Variants in AKTIP observed in about 807,000 individuals in gnomAD.
AKTIP encodes the protein AKT-interacting protein.
In AKTIP, 16 loss-of-function variants were observed where a neutral mutation model predicts 39.1. The observed-to-expected ratio is 0.41, with a 90% confidence interval of 0.28 to 0.62. The LOEUF (loss-of-function observed/expected upper bound fraction) is 0.62, where lower values mean the gene tolerates loss of function less well. AKTIP is among the 20% of genes least tolerant of loss of function. AKTIP has a pLI of 0.32. For synonymous variants in AKTIP, 93 were observed against 124.3 expected (o/e 0.75, Z 1.67); for missense variants, 262 against 356.6 (o/e 0.73, Z 2.14).
chr16:53,494,044 C>T, intron 8 of AKTIP, 94 bp downstream of exon 8: 5 of 951,086 alleles, frequency 5.3e-6, no homozygotes, highest in Non-Finnish European at 8.4e-6. Context: ...TATGCATGTG[C>T]CTTTTTATAT....
At chr16:53,498,287 T>C in intron 3 of AKTIP, 104 bp downstream of exon 3, 1 of 1,199,622 alleles carries the variant, frequency 8.3e-7, no homozygotes, top group Non-Finnish European at 1.2e-6. Context: ...GGTTTGAGCT[T>C]TGAGATTAAA....
At chr16:53,502,777 C>A (rs1350477887) in intron 1 of AKTIP, 1 of 152,286 alleles carries the variant, frequency 6.6e-6, no homozygotes, top group Non-Finnish European at 1.5e-5. Context: ...AGCCGCGGGC[C>A]CCTCCAGTGG....
At chr16:53,495,008 G>A (rs759055084) in intron 5 of AKTIP, 65 bp downstream of exon 5, 11 of 1,398,416 alleles carry the variant, frequency 7.9e-6, no homozygotes, top group Admixed American at 3.4e-5. Context: ...AACCAGGAAA[G>A]CTGTAAGCCC....
At chr16:53,498,701 C>G (rs1384235931) in intron 2 of AKTIP, 105 bp from the exon 3 acceptor site, 13 of 1,099,040 alleles carry the variant, frequency 1.2e-5, no homozygotes, top group Non-Finnish European at 1.8e-5. Context: ...CCTTTACAAG[C>G]ACATTCTAAC....
Position 53,498,614 on chromosome 16 carries a change from G to T in AKTIP, c.43-18C>A. ...TCAGATCGCTATACAAGATGAAGTT[G>T]TAAGAATATCTGTTAGGATGATTCT... On this transcript the variant is annotated intron_variant, in intron 2 of 9. Transcript: ENST00000394657. 1 of 1,609,488 alleles carries T rather than the reference G, an allele frequency of 6.2e-7. No homozygotes were observed. The highest frequency in any genetic ancestry group is 8.5e-7 in the Non-Finnish European group (1 of 1,175,720).
chr16:53,492,588 T>C lies in AKTIP; in HGVS notation c.772-69A>G, dbSNP rs991652685. On this transcript the variant is annotated intron_variant, in intron 9 of 9. Coordinates refer to ENST00000394657, the MANE Select transcript of AKTIP (RefSeq NM_022476.4). The stretch of plus-strand genomic sequence containing the variant: ...AGGAGATTTCAGCACTGTACAAACT[T>C]GTTTCCCAAAAAAAGTTACTTGTAT... 3 of 1,601,796 alleles carry C rather than the reference T, an allele frequency of 1.9e-6. No individual in the cohort carries two copies. In the African/African-American group the frequency reaches 4.0e-5, roughly 22 times the overall value.
intron 8 of AKTIP, 105 bp from the exon 9 acceptor site, chr16:53,492,858 G>A (rs546328468): frequency 2.2e-6 from 2 of 927,182 alleles, no homozygotes; most frequent in Admixed American, 2.4e-5. Flanking sequence ...ATAAAGCACA[G>A]TATTTTTTAT....
intron 5 of AKTIP, chr16:53,494,856 A>G: frequency 1.4e-6 from 1 of 725,324 alleles, no homozygotes; most frequent in Non-Finnish European, 2.5e-6. Context: ...GTGCTGCAGG[A>G]TGGCAGGCAG....
At chr16:53,492,579 G>A in intron 9 of AKTIP, 60 bp from the exon 10 acceptor site, 4 of 1,601,098 alleles carry the variant, frequency 2.5e-6, no homozygotes, top group Non-Finnish European at 3.4e-6. Flanking sequence ...TTTCAGCACT[G>A]TACAAACTTG....
chr16:53,502,400 T>C (rs1962220961), intron 1 of AKTIP, among the ~76,000 whole-genome samples: 2 of 152,172 alleles, frequency 1.3e-5, no homozygotes, highest in Admixed American at 6.5e-5. Flanking sequence ...TTCCTTTACA[T>C]CACCCAGCTG....
chr16:53,492,273 C>A lies in AKTIP; in HGVS notation c.*139G>T, dbSNP rs1352160668. The A allele has an allele frequency of 5.7e-6, 4 of 707,310 alleles. No individual in the cohort carries two copies. The African/African-American group carries it at 7.1e-5, about 13-fold the overall frequency. The allele number at this position is 707,310 out of a possible 1,614,324, so 43.8% of individuals were successfully genotyped here. On this transcript the variant is annotated 3_prime_UTR_variant, in exon 10 of 10. Transcript: ENST00000394657. ...AGGTTTCCAAACCCTGCTGTTAGAACCTATGCATACATGGAAAACACTGGC... is the reference window on the plus strand; with the variant it reads ...AGGTTTCCAAACCCTGCTGTTAGAAACTATGCATACATGGAAAACACTGGC...
intron 2 of AKTIP, 140 bp from the exon 3 acceptor site, chr16:53,498,736 T>C: frequency 1.2e-6 from 1 of 845,522 alleles, no homozygotes; most frequent in Admixed American, 2.5e-5. Context: ...GACTAGAAAG[T>C]CCTTTGGGCA....
intron 3 of AKTIP, among the ~76,000 whole-genome samples, chr16:53,497,663 T>C (rs1384978925): frequency 3.9e-5 from 6 of 152,154 alleles, no homozygotes; most frequent in Admixed American, 3.9e-4. Flanking sequence ...AGACAGCCAC[T>C]CTCCCACTGT....
At chr16:53,500,639 A>G (rs556322333) in intron 1 of AKTIP, among the ~76,000 whole-genome samples, 1 of 152,242 alleles carries the variant, frequency 6.6e-6, no homozygotes, top group East Asian at 1.9e-4. Flanking sequence ...CAGCCTCCCA[A>G]AGTGCTGGGA....
chr16:53,495,046 T>G, intron 5 of AKTIP, 27 bp downstream of exon 5: 1 of 1,596,196 alleles, frequency 6.3e-7, no homozygotes, highest in Non-Finnish European at 8.6e-7. Context: ...GATCCACAAA[T>G]AAAGCCAGAC....
chr16:53,498,034 C>T (rs1961945040), intron 3 of AKTIP, among the ~76,000 whole-genome samples: 1 of 152,252 alleles, frequency 6.6e-6, no homozygotes, highest in African/African-American at 2.4e-5. Flanking sequence ...AGGCGTGAGC[C>T]GCCATGCCCG....
At chr16:53,496,516 T>G (rs1340975215) in intron 3 of AKTIP, among the ~76,000 whole-genome samples, 1 of 150,794 alleles carries the variant, frequency 6.6e-6, no homozygotes, top group Non-Finnish European at 1.5e-5. Context: ...TTTTTTTTTT[T>G]TTGGTTTAAA....
At chr16:53,495,209 T>G in intron 4 of AKTIP, 36 bp from the exon 5 acceptor site, 1 of 1,612,826 alleles carries the variant, frequency 6.2e-7, no homozygotes, top group East Asian at 2.2e-5. Context: ...GGCCTAAATT[T>G]GTGTGGGAGG....
Position 53,499,455 on chromosome 16 carries a change from T to G in AKTIP, c.42+763A>C, listed in dbSNP as rs561980695. Among the ~76,000 whole-genome samples the G allele has an allele frequency of 1.2e-3, 178 of 151,652 alleles. 1 individual carries two copies. Among genetic ancestry groups the G allele is most frequent in the African/African-American group, 3.3e-3 (138 of 41,378 alleles). ...TCCTAGAGGTGAGATTATAGTTTTT[T>G]TTTTTTTTTTTTCTTTTTGAGATGG... On this transcript the variant is annotated intron_variant, in intron 2 of 9. Coordinates refer to ENST00000394657, the MANE Select transcript of AKTIP (RefSeq NM_022476.4).
Sources: allele counts gnomAD v4.1 joint callset (sites outside exome capture counted in the v4.1 genomes callset), GRCh38; gene constraint gnomAD v4.1.1; transcripts MANE v1.5; gene names NCBI Gene and HGNC (gene_info 2026-07-23, HGNC 2026-07-21).